Variants in KCNIP4 observed in about 807,000 individuals in gnomAD.
KCNIP4 encodes potassium voltage-gated channel interacting protein 4, also known as Kv channel-interacting protein 4.
KCNIP4 carries 12 observed loss-of-function variants against 34.0 expected under a neutral mutation model. The observed-to-expected ratio is 0.35, with a 90% CI of 0.23 to 0.57. KCNIP4 has a LOEUF of 0.57. KCNIP4 is among the 20% of genes least tolerant of loss of function. The pLI is 0.83. For synonymous variants in KCNIP4, 124 were observed against 102.2 expected (o/e 1.21, Z -1.29); for missense variants, 238 against 311.7 (o/e 0.76, Z 1.78).
chr4:21,090,819 T>C (rs1746931011), intron 1 of KCNIP4, among the ~76,000 whole-genome samples: 1 of 152,196 alleles, frequency 6.6e-6, no homozygotes, highest in East Asian at 1.9e-4. Context: ...TATTTTCTCT[T>C]CACACGTTTG....
intron 1 of KCNIP4, among the ~76,000 whole-genome samples, chr4:21,255,450 T>G (rs1371283616): frequency 1.3e-5 from 2 of 152,136 alleles, no homozygotes; most frequent in Non-Finnish European, 2.9e-5. Flanking sequence ...AAATCCATCT[T>G]CAGGCCAAAT....
intron 1 of KCNIP4, among the ~76,000 whole-genome samples, chr4:21,139,564 T>C (rs1751777416): frequency 6.6e-6 from 1 of 152,210 alleles, no homozygotes; most frequent in East Asian, 1.9e-4. Flanking sequence ...ATTATCTTGC[T>C]GTGATCACAC....
At chr4:21,381,714 G>A (rs771455829) in intron 1 of KCNIP4, among the ~76,000 whole-genome samples, 1 of 152,176 alleles carries the variant, frequency 6.6e-6, no homozygotes, top group South Asian at 2.1e-4. Context: ...GTCAGTGGGT[G>A]CAATGGAATT....
intron 1 of KCNIP4, among the ~76,000 whole-genome samples, chr4:21,799,589 A>G (rs938804698): frequency 6.6e-6 from 1 of 152,168 alleles, no homozygotes; most frequent in Non-Finnish European, 1.5e-5. Context: ...TTATGACTTT[A>G]ACACGTTAAA....
chr4:21,626,930 C>T (rs556816248), intron 1 of KCNIP4, among the ~76,000 whole-genome samples: 1 of 152,042 alleles, frequency 6.6e-6, no homozygotes, highest in Non-Finnish European at 1.5e-5. Context: ...GTCTGGCTTA[C>T]AATCTATGTT....
intron 1 of KCNIP4, among the ~76,000 whole-genome samples, chr4:21,738,747 C>G (rs1251002124): frequency 5.3e-5 from 8 of 152,116 alleles, no homozygotes; most frequent in Non-Finnish European, 1.2e-4. Flanking sequence ...ATGCATTTGT[C>G]TGGCCATTTC....
intron 1 of KCNIP4, among the ~76,000 whole-genome samples, chr4:20,919,111 A>G (rs139921118): frequency 1.3e-3 from 204 of 152,308 alleles, no homozygotes; most frequent in African/African-American, 4.8e-3. Flanking sequence ...AAAAGATTAT[A>G]ATAGTTATAA....
At chr4:20,908,437 T>C (rs1019159636) in intron 1 of KCNIP4, among the ~76,000 whole-genome samples, 5 of 152,206 alleles carry the variant, frequency 3.3e-5, no homozygotes, top group Non-Finnish European at 7.3e-5. Flanking sequence ...ATACTAACGA[T>C]TGCCATTACA....
At chr4:21,122,932 T>C (rs984370907) in intron 1 of KCNIP4, among the ~76,000 whole-genome samples, 5 of 152,242 alleles carry the variant, frequency 3.3e-5, no homozygotes, top group East Asian at 3.9e-4. Flanking sequence ...GTTGACTGGC[T>C]GGGCACGGTG....
intron 1 of KCNIP4, among the ~76,000 whole-genome samples, chr4:21,622,435 T>C (rs1745055412): frequency 1.3e-5 from 2 of 152,286 alleles, no homozygotes; most frequent in Middle Eastern, 3.4e-3. Context: ...TGTGTTCTTC[T>C]TTCATTGCAA....
intron 1 of KCNIP4, among the ~76,000 whole-genome samples, chr4:21,532,973 A>G (rs1411934349): frequency 1.5e-5 from 2 of 135,084 alleles, no homozygotes; most frequent in Non-Finnish European, 3.1e-5. Flanking sequence ...TTAAAGAGAA[A>G]ATACATACAT....
chr4:20,782,059 C>T (rs963928811), intron 3 of KCNIP4, among the ~76,000 whole-genome samples: 3 of 152,106 alleles, frequency 2.0e-5, no homozygotes, highest in Admixed American at 6.6e-5. Flanking sequence ...CAAAATCCAG[C>T]AGGGCAGTCA....
In KCNIP4 at chr4:21,757,673, T is replaced by C. The variant is rs187338935; in HGVS notation, c.61+190898A>G. 1.1e-3 allele frequency among the ~76,000 whole-genome samples: 173 copies of C among 152,362 alleles called. 1 individual carries two copies. The highest frequency in any genetic ancestry group is 3.9e-3 in the African/African-American group (162 of 41,590). ...TTTCTAGCAACAAAAATATCATTTATTTGAACTTCCTTTTTTGCCCTTGTA... is the reference window on the plus strand; with the variant it reads ...TTTCTAGCAACAAAAATATCATTTACTTGAACTTCCTTTTTTGCCCTTGTA... On this transcript the variant is annotated intron_variant, in intron 1 of 8. Transcript: ENST00000382152.
intron 1 of KCNIP4, among the ~76,000 whole-genome samples, chr4:21,118,283 A>C (rs7668004): frequency 0.44 from 67,136 of 151,928 alleles, 15,928 homozygotes; most frequent in African/African-American, 0.63. Context: ...CAAACTGCAA[A>C]CTCTGCAGCA....
chr4:20,822,998 AATAG>A (rs1244584773), intron 3 of KCNIP4, among the ~76,000 whole-genome samples: 3 of 152,244 alleles, frequency 2.0e-5, no homozygotes, highest in Admixed American at 6.5e-5. Flanking sequence ...CCTTCTTAAA[AATAG>A]ATAGAGAGCA....
chr4:21,147,671 G>T (rs1288159245), intron 1 of KCNIP4, among the ~76,000 whole-genome samples: 3 of 151,946 alleles, frequency 2.0e-5, no homozygotes, highest in Non-Finnish European at 4.4e-5. Context: ...AGGCGCGGTG[G>T]CTCACACCTG....
chr4:21,465,567 T>C (rs1729850705), intron 1 of KCNIP4, among the ~76,000 whole-genome samples: 1 of 152,168 alleles, frequency 6.6e-6, no homozygotes, highest in African/African-American at 2.4e-5. Flanking sequence ...TTTGTTGATA[T>C]ATCTGAATAC....
rs1457434406 is a variant in KCNIP4, at chr4:21,948,762, G to A, written c.-131C>T. ...CGTGGCGCTGGGAGCGAGAGCTTCG[G>A]CGGCGGCTGCGGGCAGGGCGCGCGG... On this transcript the variant is annotated 5_prime_UTR_variant, in exon 1 of 9. Transcript: ENST00000382152. 6.0e-6 allele frequency: 7 copies of A among 1,158,106 alleles called. No homozygotes were observed. The allele number at this position is 1,158,106 out of a possible 1,614,324, so 71.7% of individuals were successfully genotyped here.
At position 21,493,837 on chromosome 4, in the gene KCNIP4, G is replaced by T. The variant is rs137999251; in HGVS notation, c.61+454734C>A. 1.2e-3 allele frequency among the ~76,000 whole-genome samples: 181 copies of T among 152,296 alleles called. 2 individuals are homozygous for T. The highest frequency in any genetic ancestry group is 3.9e-3 in the African/African-American group (164 of 41,574). ...GGCTTCTCTTTAATAGGGTGAATGGGAGTTCAAATATCACTTAGGCAACCT... is the reference window on the plus strand; with the variant it reads ...GGCTTCTCTTTAATAGGGTGAATGGTAGTTCAAATATCACTTAGGCAACCT... On this transcript the variant is annotated intron_variant, in intron 1 of 8. Transcript: ENST00000382152.
Sources: allele counts gnomAD v4.1 joint callset (sites outside exome capture counted in the v4.1 genomes callset), GRCh38; gene constraint gnomAD v4.1.1; transcripts MANE v1.5; gene names NCBI Gene and HGNC (gene_info 2026-07-23, HGNC 2026-07-21).